The following RFX4 variants were observed in gnomAD, a reference collection of about 807,000 sequenced individuals.
The protein encoded by RFX4 is regulatory factor X4.
RFX4 carries 10 observed loss-of-function variants against 95.0 expected under a neutral mutation model. That is an observed-to-expected ratio of 0.11 (90% confidence interval 0.06 to 0.18). The LOEUF (loss-of-function observed/expected upper bound fraction) is 0.18. Among genes scored for constraint, RFX4 ranks in the 10% least tolerant of loss-of-function variants. The probability of loss-of-function intolerance (pLI) is 1.00; values close to 1 mark genes in which losing one functional copy is unlikely to be tolerated. For synonymous variants in RFX4, 321 were observed against 340.7 expected (o/e 0.94, Z 0.64); for missense variants, 640 against 922.0 (o/e 0.69, Z 3.96).
intron 13 of RFX4, among the ~76,000 whole-genome samples, chr12:106,726,895 C>A (rs2042509857): frequency 6.6e-6 from 1 of 152,062 alleles, no homozygotes; most frequent in Non-Finnish European, 1.5e-5. Context: ...CCTCAGCCTC[C>A]CAAGTAGCTG....
intron 11 of RFX4, among the ~76,000 whole-genome samples, chr12:106,716,842 A>G (rs1250828196): frequency 6.6e-6 from 1 of 151,988 alleles, no homozygotes; most frequent in Non-Finnish European, 1.5e-5. Context: ...CCCCCACTTT[A>G]CAGATGAGAA....
chr12:106,707,822 A>G (rs2042115120), intron 8 of RFX4, among the ~76,000 whole-genome samples: 2 of 152,184 alleles, frequency 1.3e-5, no homozygotes, highest in Non-Finnish European at 2.9e-5. Flanking sequence ...AAGGTGAGAC[A>G]TTCTTAAATG....
intron 2 of RFX4, among the ~76,000 whole-genome samples, chr12:106,615,608 A>G (rs907220869): frequency 2.0e-5 from 3 of 152,162 alleles, no homozygotes; most frequent in South Asian, 2.1e-4. Flanking sequence ...CAATTAATAT[A>G]TGTTGTATTA....
intron 5 of RFX4, chr12:106,685,018 T>G: frequency 6.5e-7 from 1 of 1,547,704 alleles, no homozygotes; most frequent in Non-Finnish European, 8.7e-7. Context: ...ATCTGTATGA[T>G]TTTGTGACTT....
chr12:106,692,644 T>C (rs1009923129), intron 7 of RFX4, among the ~76,000 whole-genome samples: 7 of 152,216 alleles, frequency 4.6e-5, no homozygotes, highest in African/African-American at 1.7e-4. Context: ...GTTCAGAAGA[T>C]TGAAACAGAT....
chr12:106,636,528 G>C (rs974864423), intron 2 of RFX4, among the ~76,000 whole-genome samples: 1 of 152,168 alleles, frequency 6.6e-6, no homozygotes, highest in Admixed American at 6.5e-5. Flanking sequence ...AGAGTATCAA[G>C]GAAGGCTTCA....
Position 106,709,470 on chromosome 12 carries a change from C to T in RFX4, c.934+40C>T, listed in dbSNP as rs368606938. On this transcript the variant is annotated intron_variant, in intron 9 of 17. Coordinates refer to ENST00000392842, the MANE Select transcript of RFX4 (RefSeq NM_213594.3). ...GAGAGCGGGATGGAAGAGAGAATTA[C>T]ATTTTAGTGCCAAATATTTTACATA... is the stretch of plus-strand genomic sequence containing the variant. 9 of 1,459,064 alleles carry T rather than the reference C, an allele frequency of 6.2e-6. No individual in the cohort carries two copies. In the South Asian group the frequency reaches 8.6e-5, roughly 14 times the overall value. 90.4% of individuals were successfully genotyped at this position (1,459,064 alleles called of 1,614,324 possible).
chr12:106,712,893 T>C (rs1475295399), intron 10 of RFX4, among the ~76,000 whole-genome samples: 9 of 152,134 alleles, frequency 5.9e-5, no homozygotes, highest in Admixed American at 5.9e-4. Context: ...ATGGTTTTGG[T>C]GCCTCCCTCT....
Position 106,705,536 on chromosome 12 carries a change from A to G in RFX4, c.834-3794A>G, listed in dbSNP as rs114985405. 7.3e-3 allele frequency among the ~76,000 whole-genome samples: 1,112 copies of G among 152,300 alleles called. 14 individuals are homozygous for G. Among genetic ancestry groups the G allele is most frequent in the African/African-American group, 0.026 (1,072 of 41,566 alleles). ...CATAGATGCTGCAGGAGATGGAGTC[A>G]GTTGGGGCTTAGGGAGGCATCTCTT... On this transcript the variant is annotated intron_variant, in intron 8 of 17. Coordinates refer to ENST00000392842, the MANE Select transcript of RFX4 (RefSeq NM_213594.3).
Position 106,583,201 on chromosome 12 carries a change from T to G in RFX4, c.-120T>G, listed in dbSNP as rs547455577. 8.5e-4 allele frequency: 775 copies of G among 909,352 alleles called. 7 individuals are homozygous for G. The African/African-American group carries it at 0.012, about 14-fold the overall frequency. The allele number at this position is 909,352 out of a possible 1,614,324, so 56.3% of individuals were successfully genotyped here. A position where few individuals can be genotyped will look rare whatever the true frequency, so the allele number is the denominator to read the frequency against. ...TTTATCCTTGTGCCCCCTCACTTTC[T>G]GCGTCTCTCTCTCTCCCCTTCTCCC... On this transcript the variant is annotated 5_prime_UTR_variant, in exon 1 of 18. Coordinates refer to ENST00000392842, the MANE Select transcript of RFX4 (RefSeq NM_213594.3).
chr12:106,736,299 T>C (rs774591838), intron 15 of RFX4, among the ~76,000 whole-genome samples: 6 of 152,156 alleles, frequency 3.9e-5, no homozygotes, highest in Non-Finnish European at 7.3e-5. Flanking sequence ...CCCAAACTGA[T>C]CCACAGACCA....
intron 2 of RFX4, among the ~76,000 whole-genome samples, chr12:106,620,770 G>A (rs543256966): frequency 3.9e-5 from 6 of 152,016 alleles, no homozygotes; most frequent in Admixed American, 3.3e-4. Context: ...AGGAGACCAG[G>A]GCATATCTCA....
intron 5 of RFX4, 42 bp from the exon 6 acceptor site, chr12:106,686,842 T>C (rs751614818): frequency 5.2e-6 from 4 of 771,642 alleles, no homozygotes; most frequent in African/African-American, 7.2e-5. Context: ...TCTCTCTCTT[T>C]TTTTTTTTTT....
chr12:106,748,251 C>G (rs1322578828), intron 16 of RFX4, among the ~76,000 whole-genome samples: 4 of 152,206 alleles, frequency 2.6e-5, no homozygotes, highest in African/African-American at 9.6e-5. Flanking sequence ...AACGCCTCAG[C>G]TGAAAACCCC....
At chr12:106,755,033 T>A (rs1355571101) in intron 17 of RFX4, among the ~76,000 whole-genome samples, 1 of 152,264 alleles carries the variant, frequency 6.6e-6, no homozygotes, top group Non-Finnish European at 1.5e-5. Context: ...CATTAACATT[T>A]ATTCAGAGCA....
intron 4 of RFX4, among the ~76,000 whole-genome samples, chr12:106,663,783 G>A (rs1162680868): frequency 6.6e-6 from 1 of 151,286 alleles, no homozygotes; most frequent in Non-Finnish European, 1.5e-5. Context: ...TCGTGAGTGG[G>A]TGTTTCAATT....
In RFX4 at chr12:106,630,491, GC is replaced by G. The variant is rs2095637409; in HGVS notation, c.131-8838del. Among the ~76,000 whole-genome samples the G allele has an allele frequency of 2.0e-5, 3 of 152,326 alleles. No homozygotes were observed. The South Asian group carries it at 6.2e-4, about 32-fold the overall frequency. On this transcript the variant is annotated intron_variant, in intron 2 of 17. Transcript: ENST00000392842. ...GAAGGGTTTGCTGCCAGAGGCTGAT[GC>G]CCACTGCCAAAGGCCTGGGTGCCAG...
chr12:106,726,123 C>G (rs956190838), intron 13 of RFX4, among the ~76,000 whole-genome samples: 5 of 151,982 alleles, frequency 3.3e-5, no homozygotes, highest in Non-Finnish European at 7.4e-5. Context: ...TTGGCACGCA[C>G]TGTAATCCCA....
chr12:106,732,354 A>T, intron 14 of RFX4, 105 bp downstream of exon 14: 1 of 1,465,612 alleles, frequency 6.8e-7, no homozygotes, highest in Non-Finnish European at 9.3e-7. Context: ...GAATTTAGTT[A>T]TGGTGAACAG....
Sources: allele counts gnomAD v4.1 joint callset (sites outside exome capture counted in the v4.1 genomes callset), GRCh38; gene constraint gnomAD v4.1.1; transcripts MANE v1.5; gene names NCBI Gene and HGNC (gene_info 2026-07-23, HGNC 2026-07-21).